The following UGT1A8 variants were observed in gnomAD, a reference collection of about 807,000 sequenced individuals.
UGT1A8 encodes the protein UDP glucuronosyltransferase family 1 member A8.
In UGT1A8, 39 loss-of-function variants were observed where a neutral mutation model predicts 45.3. The observed-to-expected ratio is 0.86, with a 90% confidence interval of 0.67 to 1.12. The LOEUF is 1.12. Ranked by LOEUF, UGT1A8 falls within the 50% of genes most tolerant of loss-of-function variation. UGT1A8 has a pLI of 0.00. For missense variants in UGT1A8, 719 were observed against 664.9 expected (o/e 1.08, Z -0.90); for synonymous variants, 275 against 249.2 (o/e 1.10, Z -0.97).
chr2:233,671,916 T>C, intron 1 of UGT1A8: 1 of 1,587,544 alleles, frequency 6.3e-7, no homozygotes. Context: ...AGCTGCTTGC[T>C]CTCAGCTGCA....
intron 1 of UGT1A8, among the ~76,000 whole-genome samples, chr2:233,712,817 A>G (rs1326884694): frequency 6.6e-6 from 1 of 152,256 alleles, no homozygotes; most frequent in Non-Finnish European, 1.5e-5. Context: ...GGTGGGGCCC[A>G]TAATGCAAGA....
At chr2:233,646,225 C>T (rs1273279603) in intron 1 of UGT1A8, among the ~76,000 whole-genome samples, 1 of 152,164 alleles carries the variant, frequency 6.6e-6, no homozygotes, top group Middle Eastern at 3.2e-3. Context: ...AGCAGGGGGC[C>T]CTGGGCCTGT....
At chr2:233,688,882 C>A (rs1476610997) in intron 1 of UGT1A8, among the ~76,000 whole-genome samples, 3 of 152,056 alleles carry the variant, frequency 2.0e-5, no homozygotes, top group Admixed American at 2.0e-4. Flanking sequence ...TAAGGAGTGG[C>A]AATCTTGGGA....
At chr2:233,652,464 C>G (rs189975849) in intron 1 of UGT1A8, among the ~76,000 whole-genome samples, 33 of 152,010 alleles carry the variant, frequency 2.2e-4, no homozygotes, top group African/African-American at 7.5e-4. Context: ...CATTCTATCC[C>G]CAAATACTTC....
rs1207870727 is a variant in UGT1A8, at chr2:233,693,825, TTGGAGGTA to T, written c.856-73207_856-73200del. On this transcript the variant is annotated intron_variant, in intron 1 of 4. Transcript: ENST00000373450. The stretch of plus-strand genomic sequence containing the variant: ...CCGGTCATGCCCAACATGGTCTTCA[TTGGAGGTA>T]TCAACTGTAAGAAGAGGAAAGACTT... The T allele has an allele frequency of 3.7e-6, 6 of 1,614,084 alleles. No individual in the cohort carries two copies. The African/African-American group carries it at 5.3e-5, about 14-fold the overall frequency.
chr2:233,648,862 G>C, intron 1 of UGT1A8: 1 of 1,231,458 alleles, frequency 8.1e-7, no homozygotes, highest in Non-Finnish European at 1.2e-6. Flanking sequence ...CTTAAACATA[G>C]CCTCTGAAAT....
intron 1 of UGT1A8, chr2:233,691,045 C>T (rs1175954453): frequency 1.0e-6 from 1 of 988,612 alleles, no homozygotes; most frequent in Non-Finnish European, 1.2e-6. Context: ...ACGTCCACAG[C>T]AGAGTGGAGG....
At chr2:233,730,253 A>G (rs1350953092) in intron 1 of UGT1A8, among the ~76,000 whole-genome samples, 3 of 152,152 alleles carry the variant, frequency 2.0e-5, no homozygotes, top group Non-Finnish European at 4.4e-5. Context: ...TGTGACTCAT[A>G]GAGACTGTTG....
At chr2:233,742,777 T>A (rs1286853753) in intron 1 of UGT1A8, 2 of 153,196 alleles carry the variant, frequency 1.3e-5, no homozygotes, top group African/African-American at 4.8e-5. Context: ...CATGTTGTTT[T>A]GAACCATCAT....
At chr2:233,648,274 G>T (rs1287065587) in intron 1 of UGT1A8, 4 of 611,946 alleles carry the variant, frequency 6.5e-6, no homozygotes, top group Non-Finnish European at 1.2e-5. Context: ...GGTGTTTCTG[G>T]ATCCTTTAGA....
intron 1 of UGT1A8, among the ~76,000 whole-genome samples, chr2:233,650,092 T>C (rs958289025): frequency 3.3e-5 from 5 of 152,134 alleles, no homozygotes; most frequent in African/African-American, 1.2e-4. Context: ...TGCCTCAGCC[T>C]CCTGAGTAGC....
intron 1 of UGT1A8, among the ~76,000 whole-genome samples, chr2:233,700,828 C>T (rs1333219012): frequency 2.0e-5 from 3 of 151,942 alleles, no homozygotes; most frequent in Non-Finnish European, 2.9e-5. Flanking sequence ...CCCATTAACT[C>T]GTCATTTAGC....
intron 1 of UGT1A8, among the ~76,000 whole-genome samples, chr2:233,638,107 CA>C (rs1455423209): frequency 6.6e-6 from 1 of 152,126 alleles, no homozygotes; most frequent in Admixed American, 6.5e-5. Context: ...CGTAGGGTTA[CA>C]GGGTTTTCCT....
At chr2:233,743,218 T>C in intron 1 of UGT1A8, 1 of 410,544 alleles carries the variant, frequency 2.4e-6, no homozygotes. Flanking sequence ...GTAACTGCTC[T>C]TTGCTATTTA....
chr2:233,618,187 T>C lies in UGT1A8; in HGVS notation c.480T>C (p.Tyr160=). The C allele has an allele frequency of 2.5e-6, 4 of 1,614,068 alleles. No homozygotes were observed. Among genetic ancestry groups the C allele is most frequent in the Non-Finnish European group, 3.4e-6 (4 of 1,180,012 alleles). Residue 160 remains tyrosine, a synonymous_variant, in exon 1 of 5, where the codon TAT becomes TAC. Transcript: ENST00000373450. ...CCTGTGGCTTAATTGTTGCCAAATA[T>C]TTCTCCCTCCCCTCTGTGGTCTTCG... ...FDACGLIVAK[Y]FSLPSVVFAR...
intron 1 of UGT1A8, among the ~76,000 whole-genome samples, chr2:233,720,622 C>T (rs1468465541): frequency 1.3e-5 from 2 of 151,716 alleles, no homozygotes; most frequent in African/African-American, 4.8e-5. Context: ...ATTTGGGTTT[C>T]ATTGAAATAG....
chr2:233,720,901 A>G (rs1393061406), intron 1 of UGT1A8, among the ~76,000 whole-genome samples: 5 of 132,048 alleles, frequency 3.8e-5, no homozygotes, highest in Admixed American at 7.7e-5. Flanking sequence ...AGTAGAGATG[A>G]GGTTTCGCAA....
intron 1 of UGT1A8, chr2:233,690,589 A>G (rs1328704294): frequency 2.3e-4 from 77 of 338,396 alleles, no homozygotes; most frequent in Non-Finnish European, 3.2e-4. Flanking sequence ...AATCCCTGAG[A>G]AAAAAAAAAA....
intron 1 of UGT1A8, among the ~76,000 whole-genome samples, chr2:233,735,108 G>A (rs1171222877): frequency 3.9e-5 from 6 of 152,182 alleles, no homozygotes; most frequent in Non-Finnish European, 8.8e-5. Context: ...AATATCGACA[G>A]TGGGATGTTA....
Sources: gnomAD v4.1 joint callset for allele counts (sites outside exome capture counted in the v4.1 genomes callset) on GRCh38, gnomAD v4.1.1 for gene constraint, MANE v1.5 for transcripts, NCBI Gene and HGNC (gene_info 2026-07-23, HGNC 2026-07-21) for gene names.